The following VRK3 variants were observed in gnomAD, a reference collection of about 807,000 sequenced individuals.
The protein encoded by VRK3 is serine/threonine-protein kinase VRK3.
In VRK3, 50 loss-of-function variants were observed where a neutral mutation model predicts 60.4. The ratio of observed to expected loss-of-function variants is 0.83; its 90% CI spans 0.66 to 1.05. The LOEUF (loss-of-function observed/expected upper bound fraction) is 1.05. VRK3 is among the 50% of genes least tolerant of loss of function. The pLI is 0.00. For synonymous variants in VRK3, 246 were observed against 227.8 expected (o/e 1.08, Z -0.72); for missense variants, 549 against 585.3 (o/e 0.94, Z 0.64).
rs772765493 is a variant in VRK3, at chr19:49,979,241, C to A, written c.1278G>T (p.Glu426Asp). ...GPCGHWIRPS[E>D]TLQKYLKVVM... Reference sequence around the variant, plus strand: ...CCACCTTCAGGTACTTCTGCAGGGTCTCTGTGGTCAAGACAACCCCCAGCA... The same window carrying A: ...CCACCTTCAGGTACTTCTGCAGGGTATCTGTGGTCAAGACAACCCCCAGCA... Residue 426 changes from glutamate to aspartate, a missense_variant and splice_region_variant, in exon 14 of 15, where the codon GAG (glutamate) becomes GAT (aspartate). Glu to Asp is a conservative substitution (Grantham distance 45). Coordinates refer to ENST00000316763, the MANE Select transcript of VRK3 (RefSeq NM_016440.4). 1.9e-6 allele frequency: 3 copies of A among 1,614,134 alleles called. No individual in the cohort carries two copies. Among genetic ancestry groups the A allele is most frequent in the Non-Finnish European group, 2.5e-6 (3 of 1,180,028 alleles).
At chr19:50,015,910 C>T in intron 3 of VRK3, 114 bp downstream of exon 3, 1 of 1,459,742 alleles carries the variant, frequency 6.9e-7, no homozygotes, top group Non-Finnish European at 9.4e-7. Context: ...GCCTGGGCTT[C>T]TCCAGTGTCA....
At chr19:50,011,471 C>G (rs939936336) in intron 3 of VRK3, among the ~76,000 whole-genome samples, 4 of 152,216 alleles carry the variant, frequency 2.6e-5, no homozygotes, top group African/African-American at 9.7e-5. Flanking sequence ...TAACTGGTTT[C>G]CATGCCTCGA....
At chr19:50,015,828 G>C in intron 3 of VRK3, 196 bp downstream of exon 3, 1 of 674,474 alleles carries the variant, frequency 1.5e-6, no homozygotes, top group Non-Finnish European at 2.5e-6. Flanking sequence ...TTAACATGGA[G>C]ACAGTGTTCA....
rs1158530389 is a variant in VRK3, at chr19:50,001,125, G to C, written c.548-271C>G. 8 of 383,246 alleles carry C rather than the reference G, an allele frequency of 2.1e-5. No homozygotes were observed. The East Asian group carries it at 3.6e-4, about 17-fold the overall frequency. 23.7% of individuals were successfully genotyped at this position (383,246 alleles called of 1,614,324 possible). ...AGGTCTGGGACCCTGGATTCCGGGA[G>C]GGCTCCCAGAATCCCCTAAGTGAGT... On this transcript the variant is annotated intron_variant, in intron 5 of 14. Transcript: ENST00000316763.
intron 7 of VRK3, among the ~76,000 whole-genome samples, chr19:49,996,297 T>A (rs1257296217): frequency 6.6e-6 from 1 of 152,108 alleles, no homozygotes; most frequent in Non-Finnish European, 1.5e-5. Flanking sequence ...CCTCAGGTGA[T>A]CCACCGGCCT....
At chr19:50,007,501 CGG>C (rs2076916265) in intron 5 of VRK3, 66 bp downstream of exon 5, 3 of 1,590,896 alleles carry the variant, frequency 1.9e-6, no homozygotes, top group Non-Finnish European at 1.7e-6. Context: ...ATTCTCAGAA[CGG>C]GGTCCCCTCC....
At chr19:50,010,996 C>G (rs1600711418) in intron 3 of VRK3, among the ~76,000 whole-genome samples, 4 of 150,604 alleles carry the variant, frequency 2.7e-5, no homozygotes, top group East Asian at 3.9e-4. Flanking sequence ...ATTTACCCAC[C>G]ACCAAGGCGA....
At chr19:49,979,038 T>C (rs2122983773) in intron 14 of VRK3, 45 bp downstream of exon 14, 1 of 1,537,346 alleles carries the variant, frequency 6.5e-7, no homozygotes, top group East Asian at 2.3e-5. Context: ...AGGGCTCGGG[T>C]GAGGGCAAGG....
chr19:50,001,131 C>A (rs559068086), intron 5 of VRK3: 33 of 377,034 alleles, frequency 8.8e-5, no homozygotes, highest in Admixed American at 6.1e-4. Flanking sequence ...GGGAGGGCTC[C>A]CAGAATCCCC....
chr19:50,007,094 T>C (rs185510758), intron 5 of VRK3, among the ~76,000 whole-genome samples: 152 of 152,342 alleles, frequency 1.0e-3, no homozygotes, highest in African/African-American at 3.5e-3. Flanking sequence ...GAGGCCTGCC[T>C]GCTCTCCACA....
intron 10 of VRK3, among the ~76,000 whole-genome samples, chr19:49,991,368 A>C (rs1017032610): frequency 6.6e-6 from 1 of 152,182 alleles, no homozygotes; most frequent in African/African-American, 2.4e-5. Flanking sequence ...ACTTGAACTG[A>C]AACAACCCCT....
chr19:50,020,238 A>C (rs1420603332), intron 2 of VRK3, among the ~76,000 whole-genome samples: 1 of 152,076 alleles, frequency 6.6e-6, no homozygotes, highest in Non-Finnish European at 1.5e-5. Flanking sequence ...ATGGGGTTTC[A>C]CCATGTTGGC....
intron 3 of VRK3, among the ~76,000 whole-genome samples, chr19:50,014,734 G>T (rs2077047163): frequency 6.6e-6 from 1 of 152,182 alleles, no homozygotes; most frequent in Admixed American, 6.5e-5. Flanking sequence ...CAGTGTGGCT[G>T]GAATAGCAGG....
intron 1 of VRK3, among the ~76,000 whole-genome samples, chr19:50,023,674 T>A (rs1419265988): frequency 1.3e-5 from 2 of 151,984 alleles, no homozygotes; most frequent in African/African-American, 4.8e-5. Flanking sequence ...AAATGCTGGG[T>A]CTACGTCTGC....
intron 2 of VRK3, among the ~76,000 whole-genome samples, chr19:50,017,574 C>CAA (rs1321466617): frequency 4.9e-4 from 19 of 39,150 alleles, no homozygotes; most frequent in Non-Finnish European, 8.7e-4. Context: ...AACTCTGCCT[C>CAA]AAAAAAAAAA....
chr19:50,016,275 T>A, intron 2 of VRK3, 112 bp from the exon 3 acceptor site: 1 of 1,376,230 alleles, frequency 7.3e-7, no homozygotes, highest in Admixed American at 2.0e-5. Context: ...ACAACCAGGG[T>A]CTTCAACTGT....
chr19:50,003,361 G>T (rs187182225), intron 5 of VRK3, among the ~76,000 whole-genome samples: 4 of 152,208 alleles, frequency 2.6e-5, no homozygotes, highest in Non-Finnish European at 5.9e-5. Context: ...TTGTTACAGC[G>T]GCCACAGGAA....
At chr19:49,996,710 A>G (rs1449653991) in intron 7 of VRK3, among the ~76,000 whole-genome samples, 6 of 151,858 alleles carry the variant, frequency 4.0e-5, no homozygotes, top group Non-Finnish European at 5.9e-5. Flanking sequence ...TCCACCTTCC[A>G]GGTTCGAGTG....
At chr19:49,980,624 C>T (rs947622063) in intron 13 of VRK3, among the ~76,000 whole-genome samples, 7 of 151,408 alleles carry the variant, frequency 4.6e-5, no homozygotes, top group Admixed American at 1.3e-4. Flanking sequence ...GGCTGAGGCA[C>T]GAGAATTGCT....
Sources: gnomAD v4.1 joint callset for allele counts (sites outside exome capture counted in the v4.1 genomes callset) on GRCh38, gnomAD v4.1.1 for gene constraint, MANE v1.5 for transcripts, NCBI Gene and HGNC (gene_info 2026-07-23, HGNC 2026-07-21) for gene names.